Variants in NT5DC4 observed in about 807,000 individuals in gnomAD.
NT5DC4 encodes 5'-nucleotidase domain-containing protein 4.
In NT5DC4, 44 loss-of-function variants were observed where a neutral mutation model predicts 26.6. The observed-to-expected ratio is 1.65, with a 90% CI of 1.30 to 2.13. The LOEUF is 2.13. Among genes scored for constraint, NT5DC4 ranks in the 30% most tolerant of loss-of-function variants. The pLI is 0.00. For synonymous variants in NT5DC4, 157 were observed against 86.7 expected, an observed-to-expected ratio of 1.81 and a Z score of -4.51; for missense variants, 399 against 228.1, an observed-to-expected ratio of 1.75 and a Z score of -4.83.
chr2:112,724,952 G>C, intron 11 of NT5DC4, 46 bp downstream of exon 11: 1 of 712,886 alleles, frequency 1.4e-6, no homozygotes. Context: ...AGGGCAGCCT[G>C]CCTGCCCCTT....
chr2:112,724,055 C>T (rs749281013), intron 9 of NT5DC4, 39 bp from the exon 10 acceptor site: 19 of 716,730 alleles, frequency 2.7e-5, no homozygotes, highest in South Asian at 2.2e-4. Context: ...CAGGTGGTGG[C>T]CCAAGCTTGG....
chr2:112,728,384 G>A (rs1678032216), intron 15 of NT5DC4, among the ~76,000 whole-genome samples: 1 of 152,184 alleles, frequency 6.6e-6, no homozygotes, highest in African/African-American at 2.4e-5. Flanking sequence ...TTTCCTCTGG[G>A]AGACCGGAGG....
chr2:112,730,298 GAAA>G (rs1164563862), intron 16 of NT5DC4, among the ~76,000 whole-genome samples: 11 of 82,808 alleles, frequency 1.3e-4, no homozygotes, highest in African/African-American at 5.5e-4. Context: ...GGGCAACAGG[GAAA>G]GACTGTCTCA....
intron 1 of NT5DC4, chr2:112,721,442 T>C (rs1485762018): frequency 3.1e-5 from 22 of 717,202 alleles, no homozygotes; most frequent in Non-Finnish European, 5.7e-5. Context: ...AAACACATCA[T>C]CTCTGAATTT....
At chr2:112,730,310 C>CAAAAAAAA (rs11375761) in intron 16 of NT5DC4, among the ~76,000 whole-genome samples, 1 of 76,168 alleles carries the variant, frequency 1.3e-5, no homozygotes, top group African/African-American at 5.4e-5. Context: ...AAGACTGTCT[C>CAAAAAAAA]AAAAAAAAAA....
intron 5 of NT5DC4, 48 bp downstream of exon 5, chr2:112,722,637 TG>T (rs1220720826): frequency 4.2e-6 from 3 of 717,340 alleles, no homozygotes; most frequent in Non-Finnish European, 7.8e-6. Context: ...GTTCCGGAGC[TG>T]AGGGTCCCAG....
At position 112,724,780 on chromosome 2, in the gene NT5DC4, G is replaced by T; in HGVS notation, c.790-1G>T. The T allele has an allele frequency of 1.4e-6, 1 of 717,048 alleles. No individual in the cohort carries two copies. Among genetic ancestry groups the T allele is most frequent in the South Asian group, 1.5e-5 (1 of 67,590 alleles). The allele number at this position is 717,048 out of a possible 1,614,324, so 44.4% of individuals were successfully genotyped here. A position where few individuals can be genotyped will look rare whatever the true frequency, so the allele number is the denominator to read the frequency against. On this transcript the variant is annotated splice_acceptor_variant, in intron 10 of 16. Coordinates refer to ENST00000688554, the MANE Select transcript of NT5DC4 (RefSeq NM_001393655.1). LOFTEE classifies it high-confidence loss of function. ...GTGCAGCCCGTGTGCACCCCCAACA[G>T]GCTGAAGCCTCGGGCAGGCCCTGGA...
chr2:112,735,784 C>G (rs1027065898), intron 16 of NT5DC4, among the ~76,000 whole-genome samples: 1 of 152,138 alleles, frequency 6.6e-6, no homozygotes, highest in African/African-American at 2.4e-5. Flanking sequence ...ATTTCCACAA[C>G]CTTTTGTGTC....
At position 112,724,813 on chromosome 2, in the gene NT5DC4, CT is replaced by C; in HGVS notation, c.825del (p.Phe275LeufsTer3). The C allele has an allele frequency of 1.4e-6, 1 of 717,220 alleles. No homozygotes were observed. The highest frequency in any genetic ancestry group is 2.6e-6 in the Non-Finnish European group (1 of 385,028). 44.4% of individuals were successfully genotyped at this position (717,220 alleles called of 1,614,324 possible). On this transcript the variant is annotated frameshift_variant, in exon 11 of 17. Transcript: ENST00000688554. LOFTEE classifies it high-confidence loss of function. ...EASGRPWRSY[F>X]DLIVVDTQKP... is the part of the protein sequence containing the mutation. Reference sequence around the variant, plus strand: ...CCTCGGGCAGGCCCTGGAGGTCCTACTTTGACCTGATCGTGGTGGACACGCA... The same window carrying C: ...CCTCGGGCAGGCCCTGGAGGTCCTACTTGACCTGATCGTGGTGGACACGCA...
At position 112,722,272 on chromosome 2, in the gene NT5DC4, T is replaced by C; in HGVS notation, c.356T>C (p.Leu119Pro). The change falls in exon 4 of 17, where the codon CTC becomes CCC. Residue 119 changes from leucine to proline, a missense_variant. Leu to Pro is a moderately conservative substitution (Grantham distance 98). Coordinates refer to ENST00000688554, the MANE Select transcript of NT5DC4 (RefSeq NM_001393655.1). Reference sequence around the variant, plus strand: ...CTGGGTGCCTATGGCTTCACCTTCCTCTCGGAGTAAGGGACAAAGGTGCCG... The same window carrying C: ...CTGGGTGCCTATGGCTTCACCTTCCCCTCGGAGTAAGGGACAAAGGTGCCG... ...VLLGAYGFTF[L>P]SDLPLLRAEI... is the part of the protein sequence containing the mutation. The C allele has an allele frequency of 1.4e-6, 1 of 716,862 alleles. No individual in the cohort carries two copies. The highest frequency in any genetic ancestry group is 2.6e-6 in the Non-Finnish European group (1 of 385,030). The allele number at this position is 716,862 out of a possible 1,614,324, so 44.4% of individuals were successfully genotyped here. A position where few individuals can be genotyped will look rare whatever the true frequency, so the allele number is the denominator to read the frequency against.
intron 16 of NT5DC4, among the ~76,000 whole-genome samples, chr2:112,733,039 G>C (rs551376001): frequency 6.6e-6 from 1 of 152,196 alleles, no homozygotes; most frequent in African/African-American, 2.4e-5. Context: ...ATGTCACCCA[G>C]TTTATTATTA....
At position 112,724,118 on chromosome 2, in the gene NT5DC4, A is replaced by G. The variant is rs1431249686; in HGVS notation, c.781A>G (p.Ile261Val). 1 of 717,076 alleles carries G rather than the reference A, an allele frequency of 1.4e-6. No individual in the cohort carries two copies. The highest frequency in any genetic ancestry group is 1.7e-5 in the African/African-American group (1 of 57,296). 44.4% of individuals were successfully genotyped at this position (717,076 alleles called of 1,614,324 possible). ...TNAIMTYLFS[I>V]SEAEASGRPW... is the part of the protein sequence containing the mutation. ...GGCCATCATGACCTACCTGTTCAGC[A>G]TCAGTGAGGTGAGTGTTGGAGTGTT... Residue 261 changes from isoleucine to valine, a missense_variant, in exon 10 of 17, where the codon ATC becomes GTC. Coordinates refer to ENST00000688554, the MANE Select transcript of NT5DC4 (RefSeq NM_001393655.1).
downstream of NT5DC4, chr2:112,741,137 G>A (rs1679923988): frequency 3.0e-6 from 2 of 676,222 alleles, no homozygotes; most frequent in South Asian, 3.7e-5. Flanking sequence ...ATACTGAATA[G>A]TGATTGATTT....
rs747185471 is a variant in NT5DC4 at position 112,739,072 on chromosome 2, TA to T, written c.*141del. 2 of 1,521,270 alleles carry T rather than the reference TA, an allele frequency of 1.3e-6. No individual in the cohort carries two copies. The highest frequency in any genetic ancestry group is 1.8e-6 in the Non-Finnish European group (2 of 1,105,156). The allele number at this position is 1,521,270 out of a possible 1,614,324, so 94.2% of individuals were successfully genotyped here. ...TTCTGAGAGACAGCAAGAGATGCAT[TA>T]AAAACCTTATCATTTAAAAAAATTA... is the stretch of plus-strand genomic sequence containing the variant. On this transcript the variant is annotated 3_prime_UTR_variant, in exon 17 of 17. Transcript: ENST00000688554.
intron 15 of NT5DC4, among the ~76,000 whole-genome samples, chr2:112,728,959 C>T (rs1251384039): frequency 1.3e-5 from 2 of 152,154 alleles, no homozygotes; most frequent in Non-Finnish European, 2.9e-5. Flanking sequence ...ATGGGCTGGC[C>T]CAGACCGCTC....
In NT5DC4 at chr2:112,734,169, ATGTG is replaced by A. The variant is rs59851361; in HGVS notation, c.1344+4495_1344+4498del. 1.2e-3 allele frequency among the ~76,000 whole-genome samples: 161 copies of A among 134,862 alleles called. 2 individuals are homozygous for A. Among genetic ancestry groups the A allele is most frequent in the African/African-American group, 2.9e-3 (103 of 35,336 alleles). The allele number at this position is 134,862 out of a possible 152,430, so 88.5% of individuals were successfully genotyped here. ...AAGTGTTTTCTATGCTATTATATAT[ATGTG>A]TGTGTGTGTGTGTGTGTGTGTGTGT... On this transcript the variant is annotated intron_variant, in intron 16 of 16. Coordinates refer to ENST00000688554, the MANE Select transcript of NT5DC4 (RefSeq NM_001393655.1).
intron 8 of NT5DC4, 28 bp downstream of exon 8, chr2:112,723,496 GCCATCAC>G (rs1677245401): frequency 1.4e-6 from 1 of 716,474 alleles, no homozygotes; most frequent in Non-Finnish European, 2.6e-6. Flanking sequence ...CAGGGCCATG[GCCATCAC>G]CCCCAAAGCA....
chr2:112,736,012 T>A (rs904451574), intron 16 of NT5DC4, among the ~76,000 whole-genome samples: 1 of 152,124 alleles, frequency 6.6e-6, no homozygotes, highest in Middle Eastern at 3.4e-3. Flanking sequence ...AGGAAAGACA[T>A]AAAACCACCA....
At chr2:112,741,431 T>C (rs754686012), downstream of NT5DC4, among the ~76,000 whole-genome samples, 2 of 152,192 alleles carry the variant, frequency 1.3e-5, no homozygotes, top group Admixed American at 1.3e-4. Flanking sequence ...GATGACCACA[T>C]GGTTACTGCC....
Sources: allele counts gnomAD v4.1 joint callset (sites outside exome capture counted in the v4.1 genomes callset), GRCh38; gene constraint gnomAD v4.1.1; transcripts MANE v1.5; gene names NCBI Gene and HGNC (gene_info 2026-07-23, HGNC 2026-07-21).